Variants in TIAM1 observed in about 807,000 individuals in gnomAD.
TIAM1 encodes TIAM Rac1 associated GEF 1, also known as rho guanine nucleotide exchange factor TIAM1.
TIAM1 carries 65 observed loss-of-function variants against 163.5 expected under a neutral mutation model. That is an observed-to-expected ratio of 0.40 (90% CI 0.33 to 0.49). TIAM1 has a LOEUF of 0.49. TIAM1 is among the 20% of genes least tolerant of loss of function. TIAM1 has a pLI of 0.77. For missense variants in TIAM1, 1,789 were observed against 2,044.7 expected, an observed-to-expected ratio of 0.87 and a Z score of 2.41; for synonymous variants, 833 against 810.1, an observed-to-expected ratio of 1.03 and a Z score of -0.48.
At chr21:31,127,198 A>T in intron 25 of TIAM1, 46 bp from the exon 26 acceptor site, 1 of 1,572,224 alleles carries the variant, frequency 6.4e-7, no homozygotes, top group South Asian at 1.1e-5. Context: ...TTTCAAGTGG[A>T]TTTATTTACA....
At chr21:31,379,465 C>T (rs1488792142) in intron 2 of TIAM1, among the ~76,000 whole-genome samples, 2 of 151,722 alleles carry the variant, frequency 1.3e-5, no homozygotes, top group Non-Finnish European at 2.9e-5. Flanking sequence ...CAAGGTTGGA[C>T]TCTAGGCAAG....
chr21:31,374,511 G>A (rs111625761), intron 2 of TIAM1, among the ~76,000 whole-genome samples: 91 of 152,240 alleles, frequency 6.0e-4, no homozygotes, highest in African/African-American at 1.8e-3. Context: ...CTAAAGGATC[G>A]GATATCCTCC....
chr21:31,388,254 CACACA>C (rs749740562), intron 2 of TIAM1, among the ~76,000 whole-genome samples: 6,076 of 101,494 alleles, frequency 0.06, 154 homozygotes, highest in South Asian at 0.066. Context: ...CACACACACA[CACACA>C]ACCTCTTACG....
chr21:31,199,582 G>C (rs963338661), intron 12 of TIAM1, among the ~76,000 whole-genome samples: 21 of 150,760 alleles, frequency 1.4e-4, no homozygotes, highest in African/African-American at 5.1e-4. Context: ...CCAGGCTGGA[G>C]TGCAGTGGCA....
chr21:31,407,876 G>A (rs2077275556), intron 2 of TIAM1, among the ~76,000 whole-genome samples: 1 of 152,054 alleles, frequency 6.6e-6, no homozygotes, highest in Admixed American at 6.6e-5. Flanking sequence ...GACCTCAGGT[G>A]ATCGGCCAGC....
At chr21:31,159,863 T>G (rs1046329084) in intron 16 of TIAM1, among the ~76,000 whole-genome samples, 3 of 152,252 alleles carry the variant, frequency 2.0e-5, no homozygotes, top group Non-Finnish European at 4.4e-5. Flanking sequence ...GAATATTTAC[T>G]GTAGGAATAG....
chr21:31,325,670 A>AAG (rs918699391), intron 2 of TIAM1, among the ~76,000 whole-genome samples: 1 of 151,022 alleles, frequency 6.6e-6, no homozygotes, highest in African/African-American at 2.4e-5. Flanking sequence ...TCTGACTCAA[A>AAG]AAAAAAAAAA....
At chr21:31,139,024 C>T (rs1158873313) in intron 22 of TIAM1, among the ~76,000 whole-genome samples, 2 of 152,106 alleles carry the variant, frequency 1.3e-5, no homozygotes, top group East Asian at 1.9e-4. Flanking sequence ...TCTCAGCCCA[C>T]AAAAAATACT....
rs536550983 is a variant in TIAM1 at position 31,444,957 on chromosome 21, C to T, written c.-369+19026G>A. Among the ~76,000 whole-genome samples the T allele has an allele frequency of 7.9e-5, 12 of 152,110 alleles. No individual in the cohort carries two copies. In the South Asian group the frequency reaches 1.0e-3, roughly 13 times the overall value. On this transcript the variant is annotated intron_variant, in intron 2 of 28. Transcript: ENST00000286827. ...AGGTTGCAGTGAGCTGAGATCACGC[C>T]ATTGCACTTCAGCCTGGGCAACAAG...
At chr21:31,285,791 G>A (rs774788104) in intron 2 of TIAM1, among the ~76,000 whole-genome samples, 3 of 152,058 alleles carry the variant, frequency 2.0e-5, no homozygotes, top group Non-Finnish European at 2.9e-5. Context: ...AACCCAGGAG[G>A]TGGAGGCTGC....
intron 1 of TIAM1, among the ~76,000 whole-genome samples, chr21:31,554,842 AG>A (rs2123333215): frequency 6.6e-6 from 1 of 152,282 alleles, no homozygotes; most frequent in South Asian, 2.1e-4. Context: ...AAGAGCTTCA[AG>A]GTCTTCTAGA....
chr21:31,548,168 C>T (rs2048561056), intron 1 of TIAM1, among the ~76,000 whole-genome samples: 3 of 140,516 alleles, frequency 2.1e-5, no homozygotes, highest in Admixed American at 7.4e-5. Context: ...CTGAGAGAGT[C>T]CCGCTGTGTC....
At chr21:31,240,781 T>G (rs1393943361) in intron 6 of TIAM1, among the ~76,000 whole-genome samples, 1 of 151,962 alleles carries the variant, frequency 6.6e-6, no homozygotes, top group Non-Finnish European at 1.5e-5. Context: ...ACCAAGAAAC[T>G]TGAGGAAAAG....
intron 8 of TIAM1, among the ~76,000 whole-genome samples, chr21:31,220,590 C>G (rs914237701): frequency 6.6e-6 from 1 of 152,222 alleles, no homozygotes; most frequent in African/African-American, 2.4e-5. Flanking sequence ...CATAAATATT[C>G]TCAGTTATCA....
intron 2 of TIAM1, among the ~76,000 whole-genome samples, chr21:31,435,372 A>T (rs1348326935): frequency 6.6e-6 from 1 of 152,252 alleles, no homozygotes; most frequent in East Asian, 1.9e-4. Flanking sequence ...ATACATGCTT[A>T]TAAGGTCACA....
chr21:31,130,521 T>G (rs549414987), intron 24 of TIAM1, among the ~76,000 whole-genome samples: 16 of 152,160 alleles, frequency 1.1e-4, no homozygotes, highest in Admixed American at 3.3e-4. Context: ...CAAAGAAGTT[T>G]GCTAAGCAAA....
intron 10 of TIAM1, among the ~76,000 whole-genome samples, chr21:31,210,691 AAGAAAGAAAGAAAG>A (rs2086783298): frequency 1.2e-5 from 1 of 82,626 alleles, no homozygotes; most frequent in African/African-American, 5.6e-5. Flanking sequence ...AAGAAAAAGA[AAGAAAGAAAGAAAG>A]AGAAAGAAAG....
intron 1 of TIAM1, among the ~76,000 whole-genome samples, chr21:31,545,508 AT>A (rs2048458487): frequency 6.6e-6 from 1 of 152,250 alleles, no homozygotes; most frequent in African/African-American, 2.4e-5. Context: ...AGATGGGATC[AT>A]TCATGAACCA....
intron 1 of TIAM1, among the ~76,000 whole-genome samples, chr21:31,343,758 G>A (rs2147102428): frequency 6.6e-6 from 1 of 152,292 alleles, no homozygotes; most frequent in East Asian, 1.9e-4. Context: ...CGGGCAGGAC[G>A]CATCCTGGGT....
Sources: allele counts gnomAD v4.1 joint callset (sites outside exome capture counted in the v4.1 genomes callset), GRCh38; gene constraint gnomAD v4.1.1; transcripts MANE v1.5; gene names NCBI Gene and HGNC (gene_info 2026-07-23, HGNC 2026-07-21).